Variants in ZMYND11 observed in about 807,000 individuals in gnomAD.
ZMYND11 encodes zinc finger MYND domain-containing protein 11.
In ZMYND11, 9 loss-of-function variants were observed where a neutral mutation model predicts 84.9. The ratio of observed to expected loss-of-function variants is 0.11; its 90% CI spans 0.06 to 0.18. The LOEUF (loss-of-function observed/expected upper bound fraction) is 0.18, where lower values mean the gene tolerates loss of function less well. ZMYND11 is among the 10% of genes least tolerant of loss of function. The pLI, the probability that ZMYND11 is intolerant of heterozygous loss-of-function variation, is 1.00. For missense variants in ZMYND11, 409 were observed against 761.0 expected, an observed-to-expected ratio of 0.54 and a Z score of 5.44; for synonymous variants, 250 against 244.1, an observed-to-expected ratio of 1.02 and a Z score of -0.23.
chr10:230,316 T>C (rs984607662), intron 4 of ZMYND11, among the ~76,000 whole-genome samples: 9 of 151,286 alleles, frequency 5.9e-5, no homozygotes, highest in African/African-American at 2.2e-4. Context: ...CTACTAAAAA[T>C]ACAAAAATTA....
At chr10:193,722 C>G (rs1293341034) in intron 2 of ZMYND11, among the ~76,000 whole-genome samples, 1 of 152,192 alleles carries the variant, frequency 6.6e-6, no homozygotes, top group Admixed American at 6.5e-5. Flanking sequence ...CCCAAAAGTT[C>G]TTTGTACTCC....
chr10:224,493 ACTTTTACTGAGATCT>A lies in ZMYND11; in HGVS notation c.438+3140_438+3154del, dbSNP rs1473179449. On this transcript the variant is annotated intron_variant, in intron 4 of 14. Transcript: ENST00000381604. ...AGATTTAAATACTGTCCAGTTTCAC[ACTTTTACTGAGATCT>A]CTCTCATTAAATTTTAGAAAAGAGA... is the stretch of plus-strand genomic sequence containing the variant. Among the ~76,000 whole-genome samples, 5 of 152,316 alleles carry A rather than the reference ACTTTTACTGAGATCT, an allele frequency of 3.3e-5. No homozygotes were observed. In the East Asian group the frequency reaches 9.6e-4, roughly 29 times the overall value.
At chr10:240,827 C>A in intron 8 of ZMYND11, 66 bp from the exon 9 acceptor site, 1 of 1,154,022 alleles carries the variant, frequency 8.7e-7, no homozygotes, top group South Asian at 1.4e-5. Context: ...TACATGGATA[C>A]ATTTTATATA....
At chr10:183,281 C>T (rs1254940714) in intron 2 of ZMYND11, among the ~76,000 whole-genome samples, 1 of 150,628 alleles carries the variant, frequency 6.6e-6, no homozygotes. Flanking sequence ...GTGATTTTTC[C>T]ATAGTCCGGC....
At chr10:190,611 A>G (rs1186271379) in intron 2 of ZMYND11, among the ~76,000 whole-genome samples, 1 of 152,206 alleles carries the variant, frequency 6.6e-6, no homozygotes, top group African/African-American at 2.4e-5. Context: ...CTCATTATTG[A>G]TAAAGTCCAA....
chr10:160,048 T>A (rs1482892015), intron 1 of ZMYND11, among the ~76,000 whole-genome samples: 1 of 152,234 alleles, frequency 6.6e-6, no homozygotes, highest in Non-Finnish European at 1.5e-5. Context: ...GTGAGGATCC[T>A]TAACTGTTTC....
intron 1 of ZMYND11, among the ~76,000 whole-genome samples, chr10:173,914 A>G (rs549914419): frequency 6.6e-6 from 1 of 152,184 alleles, no homozygotes; most frequent in South Asian, 2.1e-4. Context: ...CCAAATGTTG[A>G]TGAGGATGTG....
At chr10:218,474 T>C (rs1448967292) in intron 3 of ZMYND11, 1 of 392,724 alleles carries the variant, frequency 2.5e-6, no homozygotes, top group Admixed American at 3.6e-5. Context: ...ATGCAGCCTT[T>C]CTCCAGGACA....
At chr10:234,116 AAATTCT>A (rs1313256722) in intron 4 of ZMYND11, among the ~76,000 whole-genome samples, 7 of 152,236 alleles carry the variant, frequency 4.6e-5, no homozygotes, top group Non-Finnish European at 8.8e-5. Context: ...TTCTGATATA[AAATTCT>A]GATTCTAGCA....
intron 1 of ZMYND11, among the ~76,000 whole-genome samples, chr10:166,300 G>A (rs1554763801): frequency 1.2e-4 from 18 of 152,088 alleles, no homozygotes; most frequent in Non-Finnish European, 1.5e-5. Flanking sequence ...TATTAAGAAA[G>A]CGTAAAGACG....
chr10:144,136 C>T (rs1588405130), intron 1 of ZMYND11, among the ~76,000 whole-genome samples: 1 of 152,150 alleles, frequency 6.6e-6, no homozygotes, highest in East Asian at 1.9e-4. Flanking sequence ...GCCAGCAGTA[C>T]AATTTAAAGT....
intron 2 of ZMYND11, among the ~76,000 whole-genome samples, chr10:197,665 A>G (rs956464023): frequency 5.3e-5 from 8 of 152,328 alleles, no homozygotes; most frequent in Middle Eastern, 3.4e-3. Flanking sequence ...TAGTACTAAA[A>G]CCAGAAAGAA....
chr10:237,574 C>T lies in ZMYND11; in HGVS notation c.517-11C>T, dbSNP rs1950191629. 1 of 1,570,958 alleles carries T rather than the reference C, an allele frequency of 6.4e-7. No homozygotes were observed. The highest frequency in any genetic ancestry group is 8.7e-7 in the Non-Finnish European group (1 of 1,149,684). On this transcript the variant is annotated splice_polypyrimidine_tract_variant and intron_variant, in intron 5 of 14. Coordinates refer to ENST00000381604, the MANE Select transcript of ZMYND11 (RefSeq NM_001370100.5). ...AACCACATTTAAATTGATGTACTAA[C>T]ACCCTCTTAGGCTATAGATCTTAAT...
chr10:247,822 C>G (rs1952474649), intron 12 of ZMYND11, among the ~76,000 whole-genome samples: 1 of 152,164 alleles, frequency 6.6e-6, no homozygotes, highest in Non-Finnish European at 1.5e-5. Context: ...ATCAGTTGTG[C>G]CAACATTTAA....
intron 1 of ZMYND11, among the ~76,000 whole-genome samples, chr10:143,375 A>G (rs1301557297): frequency 6.6e-6 from 1 of 152,186 alleles, no homozygotes; most frequent in South Asian, 2.1e-4. Flanking sequence ...TTCTTGATTT[A>G]TCTGCCTCTT....
chr10:240,267 A>T (rs1188348007), intron 8 of ZMYND11, among the ~76,000 whole-genome samples, 156 bp downstream of exon 8: 5 of 152,168 alleles, frequency 3.3e-5, no homozygotes, highest in Admixed American at 1.3e-4. Flanking sequence ...GCACTTTGGG[A>T]GGCCAAGTTG....
In ZMYND11 at chr10:135,734, G is replaced by A. The variant is rs1835827377; in HGVS notation, c.-20+175G>A. On this transcript the variant is annotated intron_variant, in intron 1 of 14. Transcript: ENST00000381604. The surrounding 1 kb of genome is among the most constrained non-coding windows in gnomAD (Gnocchi z 5.6). ...CTCCGAGCTGCCGGGGAGCTTTGTG[G>A]ATGGCGGGGCGGGCCGGGCCGGCGG... 1.4e-5 allele frequency among the ~76,000 whole-genome samples: 2 copies of A among 147,226 alleles called. No homozygotes were observed.
intron 2 of ZMYND11, among the ~76,000 whole-genome samples, chr10:198,353 T>G (rs1027983523): frequency 2.0e-5 from 3 of 152,118 alleles, no homozygotes; most frequent in African/African-American, 7.2e-5. Context: ...ATTTACAGTG[T>G]AACATTTGGG....
intron 4 of ZMYND11, among the ~76,000 whole-genome samples, chr10:233,198 A>T (rs1388898047): frequency 6.7e-6 from 1 of 148,312 alleles, no homozygotes; most frequent in Non-Finnish European, 1.5e-5. Flanking sequence ...CACCTGAGAC[A>T]TCGGTGGGCT....
Sources: allele counts gnomAD v4.1 joint callset (sites outside exome capture counted in the v4.1 genomes callset), GRCh38; gene constraint gnomAD v4.1.1; non-coding constraint Gnocchi (gnomAD v3.1); transcripts MANE v1.5; gene names NCBI Gene and HGNC (gene_info 2026-07-23, HGNC 2026-07-21).